The following SLC11A2 variants were observed in gnomAD, a reference collection of about 807,000 sequenced individuals.
SLC11A2 encodes natural resistance-associated macrophage protein 2.
SLC11A2 carries 38 observed loss-of-function variants against 68.0 expected under a neutral mutation model. The ratio of observed to expected loss-of-function variants is 0.56; its 90% CI spans 0.43 to 0.73. The LOEUF (loss-of-function observed/expected upper bound fraction) is 0.73. SLC11A2 is among the 30% of genes least tolerant of loss of function. The pLI is 0.00. For synonymous variants in SLC11A2, 242 were observed against 250.6 expected (o/e 0.97, Z 0.32); for missense variants, 517 against 690.5 (o/e 0.75, Z 2.82).
Position 50,987,845 on chromosome 12 carries a change from G to A in SLC11A2, c.*480C>T, listed in dbSNP as rs1940746806. The A allele has an allele frequency of 8.0e-7, 1 of 1,257,668 alleles. No individual in the cohort carries two copies. Among genetic ancestry groups the A allele is most frequent in the Non-Finnish European group, 1.0e-6 (1 of 976,246 alleles). 77.9% of individuals were successfully genotyped at this position (1,257,668 alleles called of 1,614,324 possible). A position where few individuals can be genotyped will look rare whatever the true frequency, so the allele number is the denominator to read the frequency against. ...ATGAAGCTATTCTAGTTGATAATTT[G>A]GTATAATTAAAATAACTGAAAAGGT... On this transcript the variant is annotated 3_prime_UTR_variant, in exon 16 of 16. Coordinates refer to ENST00000262052, the MANE Select transcript of SLC11A2 (RefSeq NM_000617.3).
the SLC11A2 span, among the ~76,000 whole-genome samples, chr12:50,956,130 G>A: frequency 6.6e-6 from 1 of 152,220 alleles, no homozygotes; most frequent in Non-Finnish European, 1.5e-5. Context: ...AGTGGCTCAT[G>A]CCTGTAATCC....
the SLC11A2 span, among the ~76,000 whole-genome samples, chr12:50,953,308 G>A: frequency 6.3e-4 from 96 of 152,310 alleles, no homozygotes; most frequent in Admixed American, 4.8e-3. Flanking sequence ...TCATTCATAG[G>A]ATGAAGCCGC....
In SLC11A2 at chr12:50,987,561, A is replaced by T. The variant is rs1940718097; in HGVS notation, c.*764T>A. The stretch of plus-strand genomic sequence containing the variant: ...CATGTGCTCAAGAGTAAATATCATC[A>T]GGAAAGCTCTGTACTAACAGGCAGG... On this transcript the variant is annotated 3_prime_UTR_variant, in exon 16 of 16. Transcript: ENST00000262052. 1 of 1,287,092 alleles carries T rather than the reference A, an allele frequency of 7.8e-7. No homozygotes were observed. Among genetic ancestry groups the T allele is most frequent in the African/African-American group, 1.5e-5 (1 of 65,804 alleles). The allele number at this position is 1,287,092 out of a possible 1,614,324, so 79.7% of individuals were successfully genotyped here.
the SLC11A2 span, among the ~76,000 whole-genome samples, chr12:50,952,517 G>A: frequency 5.0e-4 from 76 of 152,288 alleles, no homozygotes; most frequent in African/African-American, 1.8e-3. Flanking sequence ...AGGCTACAAG[G>A]TCAGAACAGA....
At chr12:51,001,598 A>G (rs993744085) in intron 5 of SLC11A2, among the ~76,000 whole-genome samples, 3 of 148,918 alleles carry the variant, frequency 2.0e-5, no homozygotes, top group African/African-American at 7.4e-5. Context: ...AAAAAAAAAA[A>G]AAAAGAAAGA....
intron 10 of SLC11A2, among the ~76,000 whole-genome samples, chr12:50,995,316 A>G (rs960963029): frequency 2.0e-5 from 3 of 152,190 alleles, no homozygotes; most frequent in Non-Finnish European, 4.4e-5. Context: ...CTCAAAAAAA[A>G]CACTACATAG....
Position 50,986,485 on chromosome 12 carries a change from G to A in SLC11A2, c.*1840C>T, listed in dbSNP as rs1482132675. ...AAGAATACTAGCAGCTTTTACCTAG[G>A]CTCCTAAATGCTTGTAAATCTGAGA... On this transcript the variant is annotated 3_prime_UTR_variant, in exon 16 of 16. Transcript: ENST00000262052. 2 of 1,285,294 alleles carry A rather than the reference G, an allele frequency of 1.6e-6. No individual in the cohort carries two copies. Among genetic ancestry groups the A allele is most frequent in the Admixed American group, 2.3e-5 (1 of 43,508 alleles). 79.6% of individuals were successfully genotyped at this position (1,285,294 alleles called of 1,614,324 possible).
At chr12:51,005,681 A>T (rs1473035734) in intron 3 of SLC11A2, 1 of 1,332,420 alleles carries the variant, frequency 7.5e-7, no homozygotes, top group Non-Finnish European at 9.8e-7. Flanking sequence ...TCTTATTCTA[A>T]AACCAGAATA....
chr12:51,004,590 G>A (rs1252081996), intron 5 of SLC11A2, among the ~76,000 whole-genome samples, 198 bp downstream of exon 5: 1 of 152,194 alleles, frequency 6.6e-6, no homozygotes, highest in African/African-American at 2.4e-5. Context: ...CGAGTCTCAA[G>A]TTAGATTTTG....
At chr12:51,001,458 T>G (rs564445638) in intron 5 of SLC11A2, among the ~76,000 whole-genome samples, 1 of 151,816 alleles carries the variant, frequency 6.6e-6, no homozygotes, top group South Asian at 2.1e-4. Context: ...ATCGGGGTGA[T>G]GTAATAATAT....
chr12:51,013,312 C>CA (rs1190843826), intron 1 of SLC11A2, among the ~76,000 whole-genome samples: 1 of 130,346 alleles, frequency 7.7e-6, no homozygotes, highest in African/African-American at 3.0e-5. Context: ...TTTTTTGAGA[C>CA]AGAGTTTCAC....
chr12:50,986,141 T>C lies in SLC11A2; in HGVS notation c.*2184A>G. The C allele has an allele frequency of 7.8e-7, 1 of 1,286,244 alleles. No homozygotes were observed. Among genetic ancestry groups the C allele is most frequent in the Non-Finnish European group, 1.0e-6 (1 of 987,892 alleles). 79.7% of individuals were successfully genotyped at this position (1,286,244 alleles called of 1,614,324 possible). A position where few individuals can be genotyped will look rare whatever the true frequency, so the allele number is the denominator to read the frequency against. ...CCTTTTCCCCTGTTAATTTCCAGTA[T>C]AATGTAGCAGCACAATTATTTCATG... is the stretch of plus-strand genomic sequence containing the variant. On this transcript the variant is annotated 3_prime_UTR_variant, in exon 16 of 16. Coordinates refer to ENST00000262052, the MANE Select transcript of SLC11A2 (RefSeq NM_000617.3).
downstream of SLC11A2, among the ~76,000 whole-genome samples, chr12:50,976,584 A>G (rs929227969): frequency 1.3e-5 from 2 of 152,242 alleles, no homozygotes; most frequent in Admixed American, 1.3e-4. Context: ...AACTGGCACA[A>G]GACAGGGATG....
At chr12:50,962,354 T>C in the SLC11A2 span, among the ~76,000 whole-genome samples, 5 of 151,560 alleles carry the variant, frequency 3.3e-5, no homozygotes, top group East Asian at 9.7e-4. Context: ...GAGGTTGCAG[T>C]GAGCCGAGAT....
the SLC11A2 span, among the ~76,000 whole-genome samples, chr12:50,965,827 T>C: frequency 6.6e-6 from 1 of 152,218 alleles, no homozygotes; most frequent in Admixed American, 6.5e-5. Flanking sequence ...TACATCTATT[T>C]TTGTCTGTCG....
intron 10 of SLC11A2, 63 bp downstream of exon 10, chr12:50,995,563 CCCA>C: frequency 6.8e-7 from 1 of 1,476,424 alleles, no homozygotes; most frequent in South Asian, 1.1e-5. Context: ...ATTTTCCTTC[CCCA>C]TCCCATTGCA....
At chr12:51,005,164 A>T (rs1478503865) in intron 4 of SLC11A2, 147 bp downstream of exon 4, 2 of 942,764 alleles carry the variant, frequency 2.1e-6, no homozygotes, top group Admixed American at 4.2e-5. Flanking sequence ...AATAAGACCA[A>T]ATGGAAAGTA....
the SLC11A2 span, among the ~76,000 whole-genome samples, chr12:50,970,266 T>G: frequency 1.3e-5 from 2 of 152,204 alleles, no homozygotes; most frequent in African/African-American, 4.8e-5. Context: ...AGAGTTTTGT[T>G]TTTTGTTTTT....
At position 51,008,223 on chromosome 12, in the gene SLC11A2, CAGATAGATAGAT is replaced by C. The variant is rs10602867; in HGVS notation, c.183+241_183+252del. ...CTGTCTGTAAAAAAGATTAGATAGACAGATAGATAGATAGATAGATAGATAGATAGATAGATA... is the reference window on the plus strand; with the variant it reads ...CTGTCTGTAAAAAAGATTAGATAGACAGATAGATAGATAGATAGATAGATA... On this transcript the variant is annotated intron_variant, in intron 3 of 15. Transcript: ENST00000262052. 1,901 of 357,266 alleles carry C rather than the reference CAGATAGATAGAT, an allele frequency of 5.3e-3. 10 individuals carry two copies. Among genetic ancestry groups the C allele is most frequent in the African/African-American group, 0.02 (892 of 44,674 alleles). 22.1% of individuals were successfully genotyped at this position (357,266 alleles called of 1,614,324 possible).
Sources: allele counts gnomAD v4.1 joint callset (sites outside exome capture counted in the v4.1 genomes callset), GRCh38; gene constraint gnomAD v4.1.1; transcripts MANE v1.5; gene names NCBI Gene and HGNC (gene_info 2026-07-23, HGNC 2026-07-21).